Variants in NKAIN3 observed in about 807,000 individuals in gnomAD.
NKAIN3 encodes the protein sodium/potassium-transporting ATPase subunit beta-1-interacting protein 3.
NKAIN3 carries 25 observed loss-of-function variants against 30.2 expected under a neutral mutation model. The ratio of observed to expected loss-of-function variants is 0.83; its 90% CI spans 0.60 to 1.16. The LOEUF (loss-of-function observed/expected upper bound fraction) is 1.16, where lower values mean the gene tolerates loss of function less well. Ranked by LOEUF, NKAIN3 falls within the 50% of genes most tolerant of loss-of-function variation. The pLI, the probability that NKAIN3 is intolerant of heterozygous loss-of-function variation, is 0.00. For synonymous variants in NKAIN3, 91 were observed against 89.6 expected (o/e 1.02, Z -0.09); for missense variants, 225 against 254.1 (o/e 0.89, Z 0.78).
At chr8:62,924,367 C>A (rs1377799639) in intron 5 of NKAIN3, among the ~76,000 whole-genome samples, 2 of 152,214 alleles carry the variant, frequency 1.3e-5, no homozygotes, top group Non-Finnish European at 2.9e-5. Flanking sequence ...ACATTTAACA[C>A]AACTGTAATT....
intron 3 of NKAIN3, among the ~76,000 whole-genome samples, chr8:62,622,899 G>A (rs1811662723): frequency 6.6e-6 from 1 of 151,780 alleles, no homozygotes; most frequent in Non-Finnish European, 1.5e-5. Context: ...ACAGATTTAT[G>A]TTTTATATTT....
intron 3 of NKAIN3, among the ~76,000 whole-genome samples, chr8:62,629,498 C>G (rs1177613690): frequency 6.6e-6 from 1 of 152,096 alleles, no homozygotes; most frequent in East Asian, 1.9e-4. Context: ...TCCATAGCAG[C>G]ACATACTTCA....
At chr8:62,838,467 A>T (rs1351519148) in intron 4 of NKAIN3, among the ~76,000 whole-genome samples, 1 of 152,010 alleles carries the variant, frequency 6.6e-6, no homozygotes, top group African/African-American at 2.4e-5. Flanking sequence ...GGAAGATGCA[A>T]ACAAGTAAAA....
chr8:62,975,299 T>C lies in NKAIN3; in HGVS notation c.*9892T>C, dbSNP rs918362292. Among the ~76,000 whole-genome samples, 1 of 152,156 alleles carries C rather than the reference T, an allele frequency of 6.6e-6. No individual in the cohort carries two copies. The highest frequency in any genetic ancestry group is 1.5e-5 in the Non-Finnish European group (1 of 68,018). On this transcript the variant is annotated 3_prime_UTR_variant, in exon 7 of 7. Coordinates refer to ENST00000623646, the MANE Select transcript of NKAIN3 (RefSeq NM_001304533.3). ...TGAGTCCATCTGGTCCTGGGCTTTT[T>C]TTTTTAGTTGGTCAGCTATTAATTA... is the stretch of plus-strand genomic sequence containing the variant.
At chr8:62,396,665 A>G (rs1353420648) in intron 1 of NKAIN3, among the ~76,000 whole-genome samples, 4 of 152,316 alleles carry the variant, frequency 2.6e-5, no homozygotes, top group East Asian at 3.9e-4. Context: ...TTTTAGCCCT[A>G]CTTACCCTGT....
intron 1 of NKAIN3, among the ~76,000 whole-genome samples, chr8:62,518,177 T>C (rs1808051414): frequency 6.6e-6 from 1 of 152,090 alleles, no homozygotes; most frequent in Non-Finnish European, 1.5e-5. Flanking sequence ...CTGGCCAACA[T>C]TGTGAAACTT....
Position 62,389,771 on chromosome 8 carries a change from A to T in NKAIN3, c.54+140644A>T, listed in dbSNP as rs376476876. 3.9e-5 allele frequency among the ~76,000 whole-genome samples: 6 copies of T among 152,296 alleles called. No individual in the cohort carries two copies. In the East Asian group the frequency reaches 5.8e-4, roughly 15 times the overall value. On this transcript the variant is annotated intron_variant, in intron 1 of 6. Coordinates refer to ENST00000623646, the MANE Select transcript of NKAIN3 (RefSeq NM_001304533.3). ...GCTTCCTGATACAGTTTGGTAGAGAATGCAATTAAGTGTCCAGGCCTTGTG... is the reference window on the plus strand; with the variant it reads ...GCTTCCTGATACAGTTTGGTAGAGATTGCAATTAAGTGTCCAGGCCTTGTG...
At chr8:62,770,205 T>G (rs1816969889) in intron 4 of NKAIN3, among the ~76,000 whole-genome samples, 1 of 152,202 alleles carries the variant, frequency 6.6e-6, no homozygotes, top group Admixed American at 6.5e-5. Flanking sequence ...ATTGGGTGAC[T>G]GCATGCCTAG....
chr8:62,373,744 T>G (rs922574061), intron 1 of NKAIN3, among the ~76,000 whole-genome samples: 9 of 152,176 alleles, frequency 5.9e-5, no homozygotes, highest in African/African-American at 2.2e-4. Flanking sequence ...CATCAACAAA[T>G]GTACTTTATT....
At chr8:62,313,858 T>TTTATTCATTCACAAAACATTTAC (rs1286074480) in intron 1 of NKAIN3, among the ~76,000 whole-genome samples, 1 of 152,292 alleles carries the variant, frequency 6.6e-6, no homozygotes, top group East Asian at 1.9e-4. Flanking sequence ...CATACATTTA[T>TTTATTCATTCACAAAACATTTAC]TTATTCATTC....
intron 1 of NKAIN3, among the ~76,000 whole-genome samples, chr8:62,347,594 T>TA (rs200392313): frequency 0.039 from 5,951 of 151,972 alleles, 421 homozygotes; most frequent in African/African-American, 0.14. Context: ...GGAAAACACA[T>TA]AAAATATCAA....
At chr8:62,481,247 T>C (rs991968808) in intron 1 of NKAIN3, among the ~76,000 whole-genome samples, 16 of 152,146 alleles carry the variant, frequency 1.1e-4, no homozygotes, top group African/African-American at 3.6e-4. Flanking sequence ...CCAGCAACAG[T>C]AATAACTTGT....
chr8:62,703,866 A>G (rs1814429978), intron 3 of NKAIN3, among the ~76,000 whole-genome samples: 1 of 152,206 alleles, frequency 6.6e-6, no homozygotes, highest in South Asian at 2.1e-4. Context: ...CACTGGTAAG[A>G]AAGTCAAAGC....
At chr8:62,276,992 TGTAA>T (rs1424165602) in intron 1 of NKAIN3, among the ~76,000 whole-genome samples, 1 of 152,198 alleles carries the variant, frequency 6.6e-6, no homozygotes, top group East Asian at 1.9e-4. Flanking sequence ...CTTTGAATTC[TGTAA>T]GTTTTTGGCA....
rs1363317569 is a variant in NKAIN3 at position 62,983,376 on chromosome 8, T to C, written c.*17969T>C. On this transcript the variant is annotated 3_prime_UTR_variant, in exon 7 of 7. Coordinates refer to ENST00000623646, the MANE Select transcript of NKAIN3 (RefSeq NM_001304533.3). Reference sequence around the variant, plus strand: ...CTGATAGGAGGTGCCAGTGCTTTTCTTCTTCCAGTTTCAGAGCCCCAGCGA... The same window carrying C: ...CTGATAGGAGGTGCCAGTGCTTTTCCTCTTCCAGTTTCAGAGCCCCAGCGA... 6.6e-6 allele frequency: 1 copy of C among 152,198 alleles called. No homozygotes were observed. The highest frequency in any genetic ancestry group is 1.5e-5 in the Non-Finnish European group (1 of 68,054). 9.4% of individuals were successfully genotyped at this position (152,198 alleles called of 1,614,324 possible). A position where few individuals can be genotyped will look rare whatever the true frequency, so the allele number is the denominator to read the frequency against.
chr8:62,555,104 T>C (rs1402067694), intron 1 of NKAIN3, among the ~76,000 whole-genome samples: 1 of 151,742 alleles, frequency 6.6e-6, no homozygotes, highest in African/African-American at 2.4e-5. Flanking sequence ...TTGACTGTAG[T>C]AATTATTTCA....
intron 4 of NKAIN3, among the ~76,000 whole-genome samples, chr8:62,903,395 C>T (rs978232246): frequency 3.9e-5 from 6 of 152,154 alleles, no homozygotes; most frequent in Non-Finnish European, 5.9e-5. Context: ...TCACACTCTC[C>T]CCAGAGTGAT....
At chr8:62,617,298 C>T (rs1811487760) in intron 3 of NKAIN3, among the ~76,000 whole-genome samples, 1 of 152,176 alleles carries the variant, frequency 6.6e-6, no homozygotes, top group South Asian at 2.1e-4. Context: ...ATAAAAGACA[C>T]TCCCATTACC....
intron 1 of NKAIN3, among the ~76,000 whole-genome samples, chr8:62,424,351 A>G (rs866798466): frequency 6.6e-6 from 1 of 151,936 alleles, no homozygotes; most frequent in African/African-American, 2.4e-5. Flanking sequence ...TTAACAGAGT[A>G]AAAAGGAAAC....
Sources: gnomAD v4.1 joint callset for allele counts (sites outside exome capture counted in the v4.1 genomes callset) on GRCh38, gnomAD v4.1.1 for gene constraint, MANE v1.5 for transcripts, NCBI Gene and HGNC (gene_info 2026-07-23, HGNC 2026-07-21) for gene names.